The following CEP55 variants were observed in gnomAD, a reference collection of about 807,000 sequenced individuals.
The protein encoded by CEP55 is centrosomal protein of 55 kDa.
A neutral mutation model predicts 63.2 loss-of-function variants in CEP55; 57 were observed. The observed-to-expected ratio is 0.90, with a 90% confidence interval of 0.73 to 1.13. CEP55 has a LOEUF of 1.13. CEP55 is among the 50% of genes most tolerant of loss of function. The pLI is 0.00. For synonymous variants in CEP55, 178 were observed against 191.6 expected (o/e 0.93, Z 0.59); for missense variants, 456 against 518.9 (o/e 0.88, Z 1.18).
Position 93,503,138 on chromosome 10 carries a change from A to T in CEP55, c.209A>T (p.Lys70Met), listed in dbSNP as rs1377449022. ...AAAATTCGAGTCCTTGAGGCTGAGA[A>T]GGAGAAGAATGCTTATCAACTCACA... ...LEKIRVLEAE[K>M]EKNAYQLTEK... The change falls in exon 3 of 9, where the codon AAG becomes ATG. Residue 70 changes from lysine (K) to methionine (M), a missense_variant. Coordinates refer to ENST00000371485, the MANE Select transcript of CEP55 (RefSeq NM_018131.5). 1.2e-6 allele frequency: 2 copies of T among 1,613,558 alleles called. No individual in the cohort carries two copies. Among genetic ancestry groups the T allele is most frequent in the African/African-American group, 2.7e-5 (2 of 74,918 alleles).
At chr10:93,525,916 C>T (rs2057916865) in intron 8 of CEP55, among the ~76,000 whole-genome samples, 1 of 152,122 alleles carries the variant, frequency 6.6e-6, no homozygotes, top group African/African-American at 2.4e-5. Flanking sequence ...CCCTTCCTTA[C>T]ACCTTATACA....
In CEP55 at chr10:93,503,342, G is replaced by A. The variant is rs370361002; in HGVS notation, c.413G>A (p.Arg138Gln). 5.0e-6 allele frequency: 8 copies of A among 1,614,000 alleles called. No individual in the cohort carries two copies. The African/African-American group carries it at 6.7e-5, about 13-fold the overall frequency. Reference protein sequence around the residue: ...LKQQLSAATSRIAELESKTNT... With the variant: ...LKQQLSAATSQIAELESKTNT... ...CAACAGTTGTCTGCTGCAACCTCACGAATTGCTGAACTTGAAAGCAAAACC... is the reference window on the plus strand; with the variant it reads ...CAACAGTTGTCTGCTGCAACCTCACAAATTGCTGAACTTGAAAGCAAAACC... The change falls in exon 3 of 9, where the codon CGA (arginine) becomes CAA (glutamine). Residue 138 changes from arginine to glutamine, a missense_variant. Physicochemically the swap from Arg to Gln is conservative, Grantham distance 43. Coordinates refer to ENST00000371485, the MANE Select transcript of CEP55 (RefSeq NM_018131.5).
rs1160405356 is a variant in CEP55, at chr10:93,528,970, G to T, written c.*817G>T. On this transcript the variant is annotated 3_prime_UTR_variant, in exon 9 of 9. Coordinates refer to ENST00000371485, the MANE Select transcript of CEP55 (RefSeq NM_018131.5). ...GTAATGATCAGATCTTTGTTTGTCT[G>T]AACAGGTATTTTTATACATGCTTTT... The T allele has an allele frequency of 2.0e-5, 3 of 152,130 alleles. No homozygotes were observed. The highest frequency in any genetic ancestry group is 4.4e-5 in the Non-Finnish European group (3 of 68,008). The allele number at this position is 152,130 out of a possible 1,614,324, so 9.4% of individuals were successfully genotyped here. A position where few individuals can be genotyped will look rare whatever the true frequency, so the allele number is the denominator to read the frequency against.
intron 8 of CEP55, among the ~76,000 whole-genome samples, chr10:93,523,435 A>C (rs2057884997): frequency 6.6e-6 from 1 of 152,210 alleles, no homozygotes; most frequent in East Asian, 1.9e-4. Flanking sequence ...CCAGATTCAT[A>C]AAGCAAGTCC....
chr10:93,499,518 C>CTTTTTTTTTTTTTTTTTTTTTTTTT (rs528933732), intron 1 of CEP55, among the ~76,000 whole-genome samples: 1 of 120,636 alleles, frequency 8.3e-6, no homozygotes. Flanking sequence ...TACAAGTTGA[C>CTTTTTTTTTTTTTTTTTTTTTTTTT]TTTTTTTTTT....
intron 4 of CEP55, among the ~76,000 whole-genome samples, chr10:93,510,157 G>A (rs570577968): frequency 2.6e-5 from 4 of 152,294 alleles, no homozygotes; most frequent in South Asian, 2.1e-4. Context: ...TAGAGTTAAT[G>A]TCGTAAGCAT....
Position 93,503,340 on chromosome 10 carries a change from A to C in CEP55, c.411A>C (p.Ser137=). Residue 137 remains serine, a synonymous_variant, in exon 3 of 9, where the codon TCA becomes TCC. Transcript: ENST00000371485. ...VLKQQLSAAT[S]RIAELESKTN... ...AACAACAGTTGTCTGCTGCAACCTC[A>C]CGAATTGCTGAACTTGAAAGCAAAA... 1 of 1,614,182 alleles carries C rather than the reference A, an allele frequency of 6.2e-7. No individual in the cohort carries two copies. The highest frequency in any genetic ancestry group is 8.5e-7 in the Non-Finnish European group (1 of 1,180,028).
Position 93,519,816 on chromosome 10 carries a change from G to A in CEP55, c.1191+9G>A. The A allele has an allele frequency of 6.2e-7, 1 of 1,613,834 alleles. No individual in the cohort carries two copies. The highest frequency in any genetic ancestry group is 8.5e-7 in the Non-Finnish European group (1 of 1,179,984). On this transcript the variant is annotated intron_variant, in intron 8 of 8. Transcript: ENST00000371485. Reference sequence around the variant, plus strand: ...CACAGTTGGAATCCTTGGTGAGTCTGGAATGATTAAACTAAAATTTGTCTT... The same window carrying A: ...CACAGTTGGAATCCTTGGTGAGTCTAGAATGATTAAACTAAAATTTGTCTT...
Position 93,524,708 on chromosome 10 carries a change from A to G in CEP55, c.1192-3242A>G, listed in dbSNP as rs1439657718. Among the ~76,000 whole-genome samples the G allele has an allele frequency of 5.3e-5, 8 of 152,284 alleles. No homozygotes were observed. The South Asian group carries it at 8.3e-4, about 16-fold the overall frequency. The stretch of plus-strand genomic sequence containing the variant: ...ATCCTCAATAAAATACTGGCAAACC[A>G]AATCCAGCAACACATCAAAAAGCTT... On this transcript the variant is annotated intron_variant, in intron 8 of 8. Transcript: ENST00000371485.
At chr10:93,505,357 T>TC (rs1028859725) in intron 3 of CEP55, among the ~76,000 whole-genome samples, 9 of 152,118 alleles carry the variant, frequency 5.9e-5, no homozygotes, top group African/African-American at 1.9e-4. Flanking sequence ...TAGGGTAGGG[T>TC]CCCCCACCAA....
At chr10:93,497,768 G>C (rs2057588081) in intron 1 of CEP55, among the ~76,000 whole-genome samples, 1 of 152,082 alleles carries the variant, frequency 6.6e-6, no homozygotes, top group African/African-American at 2.4e-5. Context: ...ACAGAGGGAA[G>C]GCATGCTGAG....
At chr10:93,500,560 T>G (rs1252060630) in intron 2 of CEP55, among the ~76,000 whole-genome samples, 1 of 152,238 alleles carries the variant, frequency 6.6e-6, no homozygotes, top group Admixed American at 6.5e-5. Flanking sequence ...ACCTTTAGTA[T>G]GCTCTGTTTC....
rs747457946 is a variant in CEP55, at chr10:93,503,108, T to C, written c.184-5T>C. On this transcript the variant is annotated splice_polypyrimidine_tract_variant and splice_region_variant and intron_variant, in intron 2 of 8. Coordinates refer to ENST00000371485, the MANE Select transcript of CEP55 (RefSeq NM_018131.5). ...GTTCTAAGATTCTTCTTAGTTTATG[T>C]CTAGAAAATTCGAGTCCTTGAGGCT... 2.5e-6 allele frequency: 4 copies of C among 1,609,480 alleles called. No homozygotes were observed. The South Asian group carries it at 4.4e-5, about 18-fold the overall frequency.
At chr10:93,511,892 G>A (rs1176254578) in intron 4 of CEP55, among the ~76,000 whole-genome samples, 1 of 151,792 alleles carries the variant, frequency 6.6e-6, no homozygotes, top group Non-Finnish European at 1.5e-5. Flanking sequence ...GTGAGCCACT[G>A]CACCCAGCTG....
At chr10:93,527,102 G>A (rs2057931820) in intron 8 of CEP55, among the ~76,000 whole-genome samples, 1 of 151,416 alleles carries the variant, frequency 6.6e-6, no homozygotes, top group Non-Finnish European at 1.5e-5. Flanking sequence ...AAAAGAATTT[G>A]TAATTTTCCT....
chr10:93,527,216 G>T (rs1403239190), intron 8 of CEP55, among the ~76,000 whole-genome samples: 1 of 152,092 alleles, frequency 6.6e-6, no homozygotes, highest in East Asian at 1.9e-4. Flanking sequence ...AAGTCTCAAA[G>T]GTATGATAGA....
rs1384544447 is a variant in CEP55, at chr10:93,517,162, A to G, written c.907A>G (p.Lys303Glu). Residue 303 changes from lysine to glutamate, a missense_variant, in exon 6 of 9, where the codon AAG (lysine) becomes GAG (glutamate). Physicochemically the swap from Lys to Glu is moderately conservative, Grantham distance 56. Transcript: ENST00000371485. ...HLEDDRHKTEKIQKLREENDI... is the reference protein window; with the variant it reads ...HLEDDRHKTEEIQKLREENDI... Reference sequence around the variant, plus strand: ...GGAAGATGATAGGCATAAAACAGAGAAGATACAAAAACTCAGGGAAGAGAA... The same window carrying G: ...GGAAGATGATAGGCATAAAACAGAGGAGATACAAAAACTCAGGGAAGAGAA... The G allele has an allele frequency of 2.2e-5, 36 of 1,613,798 alleles. No homozygotes were observed. Among genetic ancestry groups the G allele is most frequent in the Non-Finnish European group, 3.0e-5 (35 of 1,179,900 alleles).
chr10:93,527,898 G>C (rs1323970427), intron 8 of CEP55, 52 bp from the exon 9 acceptor site: 10 of 1,253,214 alleles, frequency 8.0e-6, no homozygotes, highest in Non-Finnish European at 1.1e-5. Context: ...AAAAAAAAAA[G>C]CTGAACATTG....
chr10:93,520,137 A>G (rs1015706037), intron 8 of CEP55: 27 of 319,500 alleles, frequency 8.5e-5, no homozygotes, highest in Non-Finnish European at 1.4e-4. Flanking sequence ...CTATTAAAAA[A>G]GAAAGAAAGG....
Sources: allele counts gnomAD v4.1 joint callset (sites outside exome capture counted in the v4.1 genomes callset), GRCh38; gene constraint gnomAD v4.1.1; transcripts MANE v1.5; gene names NCBI Gene and HGNC (gene_info 2026-07-23, HGNC 2026-07-21).